CAMK4: variants seen among roughly 807,000 people sequenced by gnomAD.
CAMK4 encodes calcium/calmodulin dependent protein kinase IV.
A neutral mutation model predicts 44.9 loss-of-function variants in CAMK4; 22 were observed. The ratio of observed to expected loss-of-function variants is 0.49; its 90% CI spans 0.35 to 0.70. The LOEUF (loss-of-function observed/expected upper bound fraction) is 0.70, where lower values mean the gene tolerates loss of function less well. Ranked by LOEUF, CAMK4 falls within the 30% of genes least tolerant of loss-of-function variation. The probability of loss-of-function intolerance (pLI) is 0.01; values close to 1 mark genes in which losing one functional copy is unlikely to be tolerated. For synonymous variants in CAMK4, 218 were observed against 215.4 expected, an observed-to-expected ratio of 1.01 and a Z score of -0.11; for missense variants, 498 against 586.8, an observed-to-expected ratio of 0.85 and a Z score of 1.56.
At chr5:111,349,721 G>C (rs965867510) in intron 2 of CAMK4, among the ~76,000 whole-genome samples, 2 of 151,876 alleles carry the variant, frequency 1.3e-5, no homozygotes, top group Admixed American at 6.6e-5. Context: ...ATATACCTCA[G>C]AGTGTATCTA....
intron 4 of CAMK4, among the ~76,000 whole-genome samples, chr5:111,380,296 GT>G (rs1222616609): frequency 1.1e-4 from 16 of 151,064 alleles, no homozygotes; most frequent in Admixed American, 9.2e-4. Context: ...ATTGTCATGG[GT>G]TTTTTTTCTG....
intron 5 of CAMK4, among the ~76,000 whole-genome samples, chr5:111,436,706 C>T (rs10491334): frequency 0.14 from 20,965 of 152,192 alleles, 1,635 homozygotes; most frequent in Non-Finnish European, 0.19. Context: ...ATTATTACAG[C>T]TAGGTACATC....
chr5:111,389,235 A>G (rs1437047814), intron 4 of CAMK4, among the ~76,000 whole-genome samples: 1 of 152,156 alleles, frequency 6.6e-6, no homozygotes, highest in African/African-American at 2.4e-5. Flanking sequence ...TTATAAAGGC[A>G]TGAATCCCAT....
At chr5:111,359,909 C>G (rs558935819) in intron 2 of CAMK4, among the ~76,000 whole-genome samples, 91 of 152,096 alleles carry the variant, frequency 6.0e-4, no homozygotes, top group Middle Eastern at 3.4e-3. Context: ...TAATAAAGTA[C>G]TATAAACTGT....
intron 1 of CAMK4, 72 bp from the exon 2 acceptor site, chr5:111,343,952 T>A: frequency 1.1e-6 from 1 of 875,558 alleles, no homozygotes; most frequent in East Asian, 2.5e-5. Context: ...CAAGATACAC[T>A]TATTTTCAAG....
intron 4 of CAMK4, among the ~76,000 whole-genome samples, chr5:111,382,257 A>G (rs1450550148): frequency 6.6e-6 from 1 of 152,108 alleles, no homozygotes; most frequent in African/African-American, 2.4e-5. Flanking sequence ...ATGAGTCCTA[A>G]TAGTAATCTG....
At chr5:111,281,863 C>A (rs1327769280) in intron 1 of CAMK4, among the ~76,000 whole-genome samples, 1 of 151,788 alleles carries the variant, frequency 6.6e-6, no homozygotes, top group Non-Finnish European at 1.5e-5. Context: ...TCGAGACCAT[C>A]CTGGCTAACA....
At chr5:111,265,032 T>G (rs367828158) in intron 1 of CAMK4, among the ~76,000 whole-genome samples, 17 of 152,164 alleles carry the variant, frequency 1.1e-4, no homozygotes, top group African/African-American at 3.6e-4. Context: ...TATCACCACC[T>G]TCCAGTTTTG....
rs1260203582 is a variant in CAMK4 at position 111,487,472 on chromosome 5, T to C, written c.*3006T>C. The C allele has an allele frequency of 6.6e-6, 1 of 152,166 alleles. No individual in the cohort carries two copies. Among genetic ancestry groups the C allele is most frequent in the Non-Finnish European group, 1.5e-5 (1 of 68,028 alleles). The allele number at this position is 152,166 out of a possible 1,614,324, so 9.4% of individuals were successfully genotyped here. ...ATTAGAATAATATCGTGGTAGAAGT[T>C]AATTGTCCAGAACAAGTGCATTATA... On this transcript the variant is annotated 3_prime_UTR_variant, in exon 11 of 11. Coordinates refer to ENST00000282356, the MANE Select transcript of CAMK4 (RefSeq NM_001744.6).
intron 2 of CAMK4, among the ~76,000 whole-genome samples, chr5:111,364,304 T>C (rs1050915486): frequency 2.6e-5 from 4 of 152,120 alleles, no homozygotes; most frequent in African/African-American, 9.7e-5. Flanking sequence ...ATTCTTCTTC[T>C]GCTCTATCTA....
At chr5:111,316,078 C>T (rs867799182) in intron 1 of CAMK4, among the ~76,000 whole-genome samples, 3 of 152,090 alleles carry the variant, frequency 2.0e-5, no homozygotes, top group African/African-American at 4.8e-5. Context: ...TGACCCTAAG[C>T]AAACATTACC....
intron 1 of CAMK4, among the ~76,000 whole-genome samples, chr5:111,246,694 C>T (rs1749255999): frequency 6.6e-6 from 1 of 152,138 alleles, no homozygotes; most frequent in South Asian, 2.1e-4. Flanking sequence ...GCAGAATCCA[C>T]CATCCTGGCC....
intron 9 of CAMK4, among the ~76,000 whole-genome samples, chr5:111,481,166 T>C (rs945393389): frequency 3.3e-5 from 5 of 152,202 alleles, no homozygotes; most frequent in South Asian, 2.1e-4. Context: ...TTGGTGCACA[T>C]TGACTTTCAA....
At chr5:111,274,548 ATCT>A (rs1157577068) in intron 1 of CAMK4, among the ~76,000 whole-genome samples, 1 of 152,194 alleles carries the variant, frequency 6.6e-6, no homozygotes, top group Non-Finnish European at 1.5e-5. Flanking sequence ...CACAGTGAAC[ATCT>A]TCTTATATGT....
intron 7 of CAMK4, among the ~76,000 whole-genome samples, chr5:111,469,172 A>AAAATATATAT (rs1561507432): frequency 9.4e-5 from 3 of 31,976 alleles, no homozygotes; most frequent in African/African-American, 1.2e-4. Context: ...AAAAAAAAAA[A>AAAATATATAT]ATATATATAT....
intron 2 of CAMK4, among the ~76,000 whole-genome samples, chr5:111,360,090 G>A (rs758691205): frequency 1.6e-4 from 24 of 152,004 alleles, no homozygotes; most frequent in Non-Finnish European, 3.2e-4. Context: ...TTCTACAACA[G>A]CATTTACTCT....
chr5:111,427,714 T>C (rs1260394410), intron 5 of CAMK4, among the ~76,000 whole-genome samples: 1 of 152,126 alleles, frequency 6.6e-6, no homozygotes, highest in Admixed American at 6.5e-5. Flanking sequence ...CCAGCTCAGC[T>C]GCAATACAAC....
chr5:111,454,651 A>AG (rs1754353811), intron 7 of CAMK4, among the ~76,000 whole-genome samples: 2 of 150,684 alleles, frequency 1.3e-5, no homozygotes, highest in Admixed American at 1.3e-4. Context: ...CACAGACAAA[A>AG]AAAAAAAAAA....
chr5:111,256,188 A>G (rs2034184484), intron 1 of CAMK4, among the ~76,000 whole-genome samples: 1 of 152,228 alleles, frequency 6.6e-6, no homozygotes, highest in Admixed American at 6.5e-5. Flanking sequence ...CCAATCTCAA[A>G]AGGTGTGATT....
Sources: gnomAD v4.1 joint callset for allele counts (sites outside exome capture counted in the v4.1 genomes callset) on GRCh38, gnomAD v4.1.1 for gene constraint, MANE v1.5 for transcripts, NCBI Gene and HGNC (gene_info 2026-07-23, HGNC 2026-07-21) for gene names.